Variants in F11R observed in about 807,000 individuals in gnomAD.
F11R encodes junctional adhesion molecule A.
A neutral mutation model predicts 39.3 loss-of-function variants in F11R; 27 were observed. That is an observed-to-expected ratio of 0.69 (90% CI 0.51 to 0.95). The LOEUF (loss-of-function observed/expected upper bound fraction) is 0.95. Ranked by LOEUF, F11R falls within the 40% of genes least tolerant of loss-of-function variation. The pLI, the probability that F11R is intolerant of heterozygous loss-of-function variation, is 0.00. For missense variants in F11R, 335 were observed against 372.7 expected (o/e 0.90, Z 0.83); for synonymous variants, 131 against 144.9 (o/e 0.90, Z 0.69).
intron 1 of F11R, 112 bp downstream of exon 1, chr1:161,020,898 A>C (rs1263047042): frequency 1.1e-6 from 1 of 914,802 alleles, no homozygotes; most frequent in African/African-American, 1.6e-5. Context: ...TCGCAGAACG[A>C]TATAGGAAGG....
chr1:161,010,583 T>C (rs1649096350), intron 1 of F11R, among the ~76,000 whole-genome samples: 1 of 152,200 alleles, frequency 6.6e-6, no homozygotes, highest in Non-Finnish European at 1.5e-5. Flanking sequence ...CCCATGTATC[T>C]TTCAAGATCC....
In F11R at chr1:161,020,626, T is replaced by C. The variant is rs530564623; in HGVS notation, c.64+384A>G. ...CGCAGCGGGGTTCGTGGATGCTGGG[T>C]GGCCGTTGGAGGGGCAGGCTGGCCC... On this transcript the variant is annotated intron_variant, in intron 1 of 9. Transcript: ENST00000368026. Among the ~76,000 whole-genome samples, 3 of 152,300 alleles carry C rather than the reference T, an allele frequency of 2.0e-5. No homozygotes were observed. The South Asian group carries it at 6.2e-4, about 32-fold the overall frequency.
chr1:161,002,744 T>C (rs1271187280), intron 1 of F11R: 1 of 152,212 alleles, frequency 6.6e-6, no homozygotes, highest in Non-Finnish European at 1.5e-5. Context: ...CTCTGAAATA[T>C]GAAATAGATG....
rs1648279676 is a variant in F11R at position 160,998,806 on chromosome 1, G to A, written c.*65C>T. On this transcript the variant is annotated 3_prime_UTR_variant, in exon 10 of 10. Coordinates refer to ENST00000368026, the MANE Select transcript of F11R (RefSeq NM_016946.6). ...GCATCCTGTGAAACTACAGACATCAGGGGCCAGAGTCCGGTAGCACCTGAG... is the reference window on the plus strand; with the variant it reads ...GCATCCTGTGAAACTACAGACATCAAGGGCCAGAGTCCGGTAGCACCTGAG... The A allele has an allele frequency of 6.6e-7, 1 of 1,526,404 alleles. No homozygotes were observed. The highest frequency in any genetic ancestry group is 1.4e-5 in the African/African-American group (1 of 73,318). 94.6% of individuals were successfully genotyped at this position (1,526,404 alleles called of 1,614,324 possible).
intron 1 of F11R, among the ~76,000 whole-genome samples, chr1:161,005,782 G>C (rs1648767743): frequency 6.6e-6 from 1 of 152,048 alleles, no homozygotes; most frequent in African/African-American, 2.4e-5. Flanking sequence ...GCCTCCCAAA[G>C]TGCTAGGATT....
At chr1:161,000,610 C>T in intron 4 of F11R, 21 bp downstream of exon 4, 1 of 1,614,088 alleles carries the variant, frequency 6.2e-7, no homozygotes, top group African/African-American at 1.3e-5. Context: ...CAGGCCCACC[C>T]AGAAGACATG....
intron 1 of F11R, among the ~76,000 whole-genome samples, chr1:161,007,844 G>A (rs1648913433): frequency 6.6e-6 from 1 of 152,006 alleles, no homozygotes; most frequent in African/African-American, 2.4e-5. Context: ...GCCTTGGGAA[G>A]GCGGCCCCTT....
chr1:161,000,919 G>A lies in F11R; in HGVS notation c.241+101C>T, dbSNP rs1648442417. 7.5e-6 allele frequency: 11 copies of A among 1,468,682 alleles called. No individual in the cohort carries two copies. In the South Asian group the frequency reaches 1.2e-4, roughly 15 times the overall value. The allele number at this position is 1,468,682 out of a possible 1,614,324, so 91.0% of individuals were successfully genotyped here. A position where few individuals can be genotyped will look rare whatever the true frequency, so the allele number is the denominator to read the frequency against. ...GAAGGCCATGAGGACTTCAGCCCCAGGGTGTGCCCTGGGATAAGGGCACAA... is the reference window on the plus strand; with the variant it reads ...GAAGGCCATGAGGACTTCAGCCCCAAGGTGTGCCCTGGGATAAGGGCACAA... On this transcript the variant is annotated intron_variant, in intron 3 of 9. Coordinates refer to ENST00000368026, the MANE Select transcript of F11R (RefSeq NM_016946.6).
Position 161,001,325 on chromosome 1 carries a change from C to T in F11R, c.93G>A (p.Val31=). ...TTCTGACTTCAGGTTCAGAAGAGTG[C>T]ACTGTAACACTGCCCAATGCCAGGG... ...LCSLALGSVT[V]HSSEPEVRIP... is the part of the protein sequence containing the mutation. Residue 31 remains valine, a synonymous_variant, in exon 2 of 10, where the codon GTG becomes GTA. Transcript: ENST00000368026. 2.5e-6 allele frequency: 4 copies of T among 1,614,058 alleles called. No individual in the cohort carries two copies. Among genetic ancestry groups the T allele is most frequent in the Non-Finnish European group, 3.4e-6 (4 of 1,179,990 alleles).
chr1:161,003,846 C>A (rs1307850066), intron 1 of F11R, among the ~76,000 whole-genome samples: 1 of 152,034 alleles, frequency 6.6e-6, no homozygotes. Context: ...CTCACCACAA[C>A]CTCCGCCTCC....
chr1:161,007,006 A>T (rs1648857633), intron 1 of F11R, among the ~76,000 whole-genome samples: 1 of 152,042 alleles, frequency 6.6e-6, no homozygotes, highest in African/African-American at 2.4e-5. Flanking sequence ...TCTACTAAAA[A>T]ATATATATAT....
chr1:161,002,888 T>C (rs981321101), intron 1 of F11R, among the ~76,000 whole-genome samples: 1 of 151,988 alleles, frequency 6.6e-6, no homozygotes, highest in African/African-American at 2.4e-5. Context: ...TCCCATTTTA[T>C]AGATAAGAGA....
intron 1 of F11R, among the ~76,000 whole-genome samples, chr1:161,017,467 TTGAGATGTTTA>T (rs1649528101): frequency 6.6e-6 from 1 of 152,200 alleles, no homozygotes; most frequent in Non-Finnish European, 1.5e-5. Flanking sequence ...TTGTAAAGCA[TTGAGATGTTTA>T]TGTGTATGCA....
At position 161,012,523 on chromosome 1, in the gene F11R, G is replaced by C. The variant is rs996367273; in HGVS notation, c.64+8487C>G. On this transcript the variant is annotated intron_variant, in intron 1 of 9. Coordinates refer to ENST00000368026, the MANE Select transcript of F11R (RefSeq NM_016946.6). ...GAATATAACAAATTTTAAAAAGAGA[G>C]AGGCTCTGATCTCTATAAAAATAAA... is the stretch of plus-strand genomic sequence containing the variant. Among the ~76,000 whole-genome samples, 10 of 151,744 alleles carry C rather than the reference G, an allele frequency of 6.6e-5. 1 individual carries two copies. The highest frequency in any genetic ancestry group is 7.4e-5 in the Non-Finnish European group (5 of 67,960).
intron 1 of F11R, among the ~76,000 whole-genome samples, chr1:161,003,560 G>T (rs537423874): frequency 6.6e-6 from 1 of 151,954 alleles, no homozygotes; most frequent in African/African-American, 2.4e-5. Context: ...ACGGCGACCG[G>T]CCTAATTTTC....
In F11R at chr1:161,010,441, C is replaced by CA. The variant is rs1248451719; in HGVS notation, c.65-9089dup. On this transcript the variant is annotated intron_variant, in intron 1 of 9. Transcript: ENST00000368026. Reference sequence around the variant, plus strand: ...CCTGGGTGACAGAGCGAGACTCCATCAAAAAAAAAAAAAAAACAGTTGATC... The same window carrying CA: ...CCTGGGTGACAGAGCGAGACTCCATCAAAAAAAAAAAAAAAAACAGTTGATC... Among the ~76,000 whole-genome samples the CA allele has an allele frequency of 3.3e-3, 268 of 80,260 alleles. 13 individuals are homozygous for CA. Among genetic ancestry groups the CA allele is most frequent in the East Asian group, 7.5e-3 (19 of 2,548 alleles). The allele number at this position is 80,260 out of a possible 152,430, so 52.7% of individuals were successfully genotyped here.
At chr1:161,000,385 G>A in intron 4 of F11R, 37 bp from the exon 5 acceptor site, 1 of 1,601,436 alleles carries the variant, frequency 6.2e-7, no homozygotes, top group Non-Finnish European at 8.5e-7. Flanking sequence ...TGAGTACAGG[G>A]TGGGGGCTGC....
chr1:161,002,308 T>C (rs1648542833), intron 1 of F11R, among the ~76,000 whole-genome samples: 1 of 148,750 alleles, frequency 6.7e-6, no homozygotes, highest in South Asian at 2.1e-4. Flanking sequence ...TGAGGTGAAG[T>C]TTGCACTAGA....
rs753580371 is a variant in F11R, at chr1:161,000,242, G to T, written c.495C>A (p.Thr165=). 1.0e-4 allele frequency: 165 copies of T among 1,614,038 alleles called. 3 individuals are homozygous for T. The Middle Eastern group carries it at 3.0e-3, about 29-fold the overall frequency. Residue 165 remains threonine, a synonymous_variant, in exon 5 of 10, where the codon ACC becomes ACA. Transcript: ENST00000368026. ...GCATCACTATCCCATCTTTGAACCA[G>T]GTGTATTCAGAAGGTGGGGAACCAT... ...EQDGSPPSEY[T]WFKDGIVMPT...
Sources: gnomAD v4.1 joint callset for allele counts (sites outside exome capture counted in the v4.1 genomes callset) on GRCh38, gnomAD v4.1.1 for gene constraint, MANE v1.5 for transcripts, NCBI Gene and HGNC (gene_info 2026-07-23, HGNC 2026-07-21) for gene names.